The following SUCLG2 variants were observed in gnomAD, a reference collection of about 807,000 sequenced individuals.
The protein encoded by SUCLG2 is succinate-CoA ligase GDP-forming subunit beta.
Under a neutral mutation model 47.9 loss-of-function variants are expected in SUCLG2, and 42 were observed. That is an observed-to-expected ratio of 0.88 (90% CI 0.69 to 1.14). The LOEUF is 1.14. Ranked by LOEUF, SUCLG2 falls within the 50% of genes most tolerant of loss-of-function variation. The pLI is 0.00. For missense variants in SUCLG2, 571 were observed against 525.9 expected (o/e 1.09, Z -0.84); for synonymous variants, 195 against 197.3 (o/e 0.99, Z 0.10).
chr3:67,425,193 C>T (rs1368160053), intron 9 of SUCLG2, among the ~76,000 whole-genome samples: 1 of 152,088 alleles, frequency 6.6e-6, no homozygotes, highest in African/African-American at 2.4e-5. Context: ...CCTATTTTTA[C>T]TTGGTATTGC....
At chr3:67,535,545 C>A (rs550873332) in intron 2 of SUCLG2, among the ~76,000 whole-genome samples, 3 of 151,932 alleles carry the variant, frequency 2.0e-5, no homozygotes, top group African/African-American at 7.3e-5. Context: ...GGGAGACGAT[C>A]CCTTATGAAT....
intron 2 of SUCLG2, among the ~76,000 whole-genome samples, chr3:67,551,825 T>C (rs1707022164): frequency 2.0e-5 from 3 of 152,100 alleles, no homozygotes; most frequent in Admixed American, 2.0e-4. Context: ...CTCACCTCGT[T>C]TATCTTCACA....
chr3:67,428,437 T>A (rs1703365662), intron 9 of SUCLG2, among the ~76,000 whole-genome samples: 1 of 152,070 alleles, frequency 6.6e-6, no homozygotes, highest in African/African-American at 2.4e-5. Context: ...CGAAACCCCA[T>A]CTGTGCGTCA....
intron 6 of SUCLG2, among the ~76,000 whole-genome samples, 163 bp downstream of exon 6, chr3:67,518,084 A>G (rs928460629): frequency 1.3e-5 from 2 of 152,236 alleles, no homozygotes; most frequent in African/African-American, 2.4e-5. Context: ...CTTTTAAAAC[A>G]TCAGGGAAAT....
At chr3:67,493,416 G>T (rs529978100) in intron 9 of SUCLG2, among the ~76,000 whole-genome samples, 192 of 152,214 alleles carry the variant, frequency 1.3e-3, no homozygotes, top group Non-Finnish European at 2.6e-3. Flanking sequence ...CTCAAAAAAA[G>T]TTGAAATAAT....
intron 2 of SUCLG2, among the ~76,000 whole-genome samples, chr3:67,562,137 C>T (rs1303766028): frequency 1.4e-4 from 22 of 152,204 alleles, no homozygotes; most frequent in Admixed American, 1.4e-3. Context: ...TTCATCCCCC[C>T]TTCCCTTAGG....
chr3:67,438,539 A>G (rs1282427130), intron 9 of SUCLG2, among the ~76,000 whole-genome samples: 3 of 152,164 alleles, frequency 2.0e-5, no homozygotes, highest in Admixed American at 6.5e-5. Context: ...ACACAATGAA[A>G]AATGATAAAA....
rs1283176352 is a variant in SUCLG2 at position 67,400,714 on chromosome 3, A to T, written c.1183+17T>A. On this transcript the variant is annotated intron_variant, in intron 10 of 10. Transcript: ENST00000307227. ...GGAGAAGGGGTGCTGGCACAGCGGA[A>T]ATCTACCATGACTCACCTTCAAGCC... is the stretch of plus-strand genomic sequence containing the variant. 3 of 1,609,230 alleles carry T rather than the reference A, an allele frequency of 1.9e-6. No homozygotes were observed. Among genetic ancestry groups the T allele is most frequent in the Non-Finnish European group, 2.5e-6 (3 of 1,179,320 alleles).
rs747940855 is a variant in SUCLG2 at position 67,498,192 on chromosome 3, A to T, written c.861T>A (p.Asn287Lys). The T allele has an allele frequency of 6.2e-7, 1 of 1,613,796 alleles. No homozygotes were observed. ...DDKSENEPIE[N>K]EAAKYDLKYI... ...ATTTTAGATCATATTTGGCAGCTTC[A>T]TTTTCAATGGGCTCATTCTCTGATT... The change falls in exon 8 of 11, where the codon AAT becomes AAA. Residue 287 changes from asparagine (N) to lysine (K), a missense_variant. Asn to Lys is a moderately conservative substitution (Grantham distance 94). Coordinates refer to ENST00000307227, the MANE Select transcript of SUCLG2 (RefSeq NM_003848.4).
chr3:67,368,150 G>A (rs1701900329), intron 10 of SUCLG2, among the ~76,000 whole-genome samples: 1 of 152,082 alleles, frequency 6.6e-6, no homozygotes, highest in Non-Finnish European at 1.5e-5. Flanking sequence ...TAAAATTTTT[G>A]CAGATTTGCT....
downstream of SUCLG2, among the ~76,000 whole-genome samples, chr3:67,370,019 T>G (rs1575652446): frequency 6.6e-6 from 1 of 152,198 alleles, no homozygotes. Context: ...TACTAGATTT[T>G]TATAAAAAAT....
At chr3:67,605,145 G>C (rs1700386336) in intron 2 of SUCLG2, among the ~76,000 whole-genome samples, 1 of 152,160 alleles carries the variant, frequency 6.6e-6, no homozygotes, top group Non-Finnish European at 1.5e-5. Context: ...TTTCTCCCAT[G>C]ATGGTATCAT....
At chr3:67,620,219 G>C (rs1166024610) in intron 1 of SUCLG2, among the ~76,000 whole-genome samples, 1 of 152,122 alleles carries the variant, frequency 6.6e-6, no homozygotes, top group Non-Finnish European at 1.5e-5. Flanking sequence ...GAGAGGCAGG[G>C]AAGAAAGACA....
chr3:67,393,971 A>C (rs937929084), intron 10 of SUCLG2, among the ~76,000 whole-genome samples: 1 of 152,162 alleles, frequency 6.6e-6, no homozygotes, highest in Non-Finnish European at 1.5e-5. Context: ...CCTGTCTGTT[A>C]GAAGGAAAAC....
chr3:67,398,449 T>C (rs903427797), intron 10 of SUCLG2, among the ~76,000 whole-genome samples: 9 of 151,504 alleles, frequency 5.9e-5, no homozygotes, highest in Non-Finnish European at 1.0e-4. Context: ...ATCAGAGAAA[T>C]GCAAATCAAA....
At chr3:67,368,833 T>A (rs1385110471) in intron 10 of SUCLG2, among the ~76,000 whole-genome samples, 1 of 152,136 alleles carries the variant, frequency 6.6e-6, no homozygotes, top group African/African-American at 2.4e-5. Flanking sequence ...CTCGAATTCC[T>A]AACCTCAGGT....
intron 9 of SUCLG2, among the ~76,000 whole-genome samples, chr3:67,441,216 G>C (rs1703754890): frequency 6.6e-6 from 1 of 152,114 alleles, no homozygotes; most frequent in African/African-American, 2.4e-5. Context: ...TCACACACTG[G>C]GGCCTGTCAG....
intron 9 of SUCLG2, among the ~76,000 whole-genome samples, chr3:67,467,670 A>G (rs73104344): frequency 0.049 from 7,437 of 152,230 alleles, 336 homozygotes; most frequent in East Asian, 0.23. Context: ...ACCATAACCA[A>G]GAGTTAATGG....
downstream of SUCLG2, among the ~76,000 whole-genome samples, chr3:67,371,888 T>C (rs1701960132): frequency 6.6e-6 from 1 of 152,182 alleles, no homozygotes; most frequent in South Asian, 2.1e-4. Flanking sequence ...GGAGTTACAA[T>C]GTTCTCACCA....
Sources: gnomAD v4.1 joint callset for allele counts (sites outside exome capture counted in the v4.1 genomes callset) on GRCh38, gnomAD v4.1.1 for gene constraint, MANE v1.5 for transcripts, NCBI Gene and HGNC (gene_info 2026-07-23, HGNC 2026-07-21) for gene names.